ZNF100: variants seen among roughly 807,000 people sequenced by gnomAD.
ZNF100 encodes the protein zinc finger protein 100, also known as zinc finger protein 100 (Y1).
ZNF100 carries 12 observed loss-of-function variants against 15.8 expected under a neutral mutation model. The observed-to-expected ratio is 0.76, with a 90% CI of 0.49 to 1.23. ZNF100 has a LOEUF of 1.23. ZNF100 is among the 50% of genes most tolerant of loss of function. The pLI is 0.00. For synonymous variants in ZNF100, 226 were observed against 214.8 expected (o/e 1.05, Z -0.45); for missense variants, 670 against 635.6 (o/e 1.05, Z -0.58).
At chr19:21,729,793 TAATA>T (rs1199384360) in intron 4 of ZNF100, among the ~76,000 whole-genome samples, 2 of 152,038 alleles carry the variant, frequency 1.3e-5, no homozygotes, top group African/African-American at 4.8e-5. Flanking sequence ...AAACATCTGT[TAATA>T]AATATACAAC....
intron 4 of ZNF100, among the ~76,000 whole-genome samples, chr19:21,735,029 T>C (rs2035983459): frequency 6.6e-6 from 1 of 152,130 alleles, no homozygotes. Context: ...CTAGGCCTGC[T>C]TTGCAAGAGC....
At chr19:21,750,742 T>G (rs982923372) in intron 2 of ZNF100, 1 of 324,502 alleles carries the variant, frequency 3.1e-6, no homozygotes, top group Non-Finnish European at 5.6e-6. Flanking sequence ...CTTGCGCGGG[T>G]GCAGCCTGGG....
intron 4 of ZNF100, 57 bp from the exon 5 acceptor site, chr19:21,728,046 A>G: frequency 2.9e-6 from 4 of 1,399,762 alleles, no homozygotes; most frequent in Non-Finnish European, 3.7e-6. Flanking sequence ...TAGTTTACAA[A>G]TCTAACCTCT....
chr19:21,740,485 G>GAAA lies in ZNF100; in HGVS notation c.322+3529_322+3531dup, dbSNP rs74174038. Among the ~76,000 whole-genome samples the GAAA allele has an allele frequency of 5.4e-5, 8 of 147,326 alleles. No homozygotes were observed. In the South Asian group the frequency reaches 1.1e-3, roughly 20 times the overall value. On this transcript the variant is annotated intron_variant, in intron 4 of 4. Coordinates refer to ENST00000358296, the MANE Select transcript of ZNF100 (RefSeq NM_173531.4). ...GCTACTTCAAAATTTATCCACATTA[G>GAAA]AAAAAAAAAACATTCAACTGTGTAA...
rs570900253 is a variant in ZNF100, at chr19:21,734,843, G to C, written c.323-6854C>G. Among the ~76,000 whole-genome samples, 41 of 152,266 alleles carry C rather than the reference G, an allele frequency of 2.7e-4. No individual in the cohort carries two copies. The South Asian group carries it at 8.3e-3, about 31-fold the overall frequency. On this transcript the variant is annotated intron_variant, in intron 4 of 4. Transcript: ENST00000358296. Reference sequence around the variant, plus strand: ...GTCACCCAGAAAGGGAAGCCCATCAGAGTAAAAGTGGACCTCTAAAAAGAT... The same window carrying C: ...GTCACCCAGAAAGGGAAGCCCATCACAGTAAAAGTGGACCTCTAAAAAGAT...
chr19:21,725,690 CAA>C lies in ZNF100; in HGVS notation c.*991_*992del, dbSNP rs35748069. Reference sequence around the variant, plus strand: ...CACTTTTCAAAAAATCTAATTTTTTCAAAAAGTTAAGCATACTTTGAATGCAA... The same window carrying C: ...CACTTTTCAAAAAATCTAATTTTTTCAAAGTTAAGCATACTTTGAATGCAA... On this transcript the variant is annotated 3_prime_UTR_variant, in exon 5 of 5. Transcript: ENST00000358296. The C allele has an allele frequency of 6.6e-6, 1 of 151,734 alleles. No homozygotes were observed. The highest frequency in any genetic ancestry group is 2.4e-5 in the African/African-American group (1 of 41,258). 9.4% of individuals were successfully genotyped at this position (151,734 alleles called of 1,614,324 possible).
intron 4 of ZNF100, among the ~76,000 whole-genome samples, chr19:21,732,685 C>T (rs4505459): frequency 0.08 from 11,999 of 149,980 alleles, 549 homozygotes; most frequent in Middle Eastern, 0.15. Context: ...GAATGTAAAA[C>T]GTATTGGATG....
chr19:21,765,258 G>A (rs1291512368), intron 2 of ZNF100, among the ~76,000 whole-genome samples: 2 of 152,162 alleles, frequency 1.3e-5, no homozygotes, highest in Non-Finnish European at 2.9e-5. Flanking sequence ...CCCAGGTAGT[G>A]GCAGTGCTGA....
intron 2 of ZNF100, among the ~76,000 whole-genome samples, chr19:21,760,810 G>A (rs2036471880): frequency 7.0e-6 from 1 of 142,086 alleles, no homozygotes. Context: ...AGGCTGGAGT[G>A]CAGTGGTGCG....
In ZNF100 at chr19:21,736,507, A is replaced by G. The variant is rs369403153; in HGVS notation, c.322+7510T>C. 4.5e-4 allele frequency among the ~76,000 whole-genome samples: 69 copies of G among 152,352 alleles called. 3 individuals are homozygous for G. In the East Asian group the frequency reaches 4.8e-3, roughly 11 times the overall value. On this transcript the variant is annotated intron_variant, in intron 4 of 4. Transcript: ENST00000358296. ...GACAGATCTCTGAGAGAGAAAAATA[A>G]CAAGGATATTCAGGACTTGGACTCA...
rs11556742 is a variant in ZNF100 at position 21,727,819 on chromosome 19, A to G, written c.493T>C (p.Leu165=). The G allele has an allele frequency of 0.023, 36,948 of 1,613,178 alleles. 507 individuals carry two copies. Among genetic ancestry groups the G allele is most frequent in the Admixed American group, 0.051 (3,061 of 59,898 alleles). Residue 165 remains leucine, a synonymous_variant, in exon 5 of 5, where the codon TTA becomes CTA. Transcript: ENST00000358296. ...TGGGTAGTTATCAAACACTGGTTTAATTTGTTATCATGTTCTTTGTGCACT... is the reference window on the plus strand; with the variant it reads ...TGGGTAGTTATCAAACACTGGTTTAGTTTGTTATCATGTTCTTTGTGCACT... ...CKVHKEHDNK[L]NQCLITTQSN... is the part of the protein sequence containing the mutation.
rs895392552 is a variant in ZNF100, at chr19:21,743,573, TAACA to T, written c.322+440_322+443del. 3.4e-4 allele frequency among the ~76,000 whole-genome samples: 52 copies of T among 151,914 alleles called. 1 individual carries two copies. The highest frequency in any genetic ancestry group is 1.0e-3 in the African/African-American group (43 of 41,350). On this transcript the variant is annotated intron_variant, in intron 4 of 4. Transcript: ENST00000358296. Reference sequence around the variant, plus strand: ...AACAGGATGGAATGTGCAAAAAGATTAACAAACAAAACAACGGAACAGAAAACAC... The same window carrying T: ...AACAGGATGGAATGTGCAAAAAGATTAACAAAACAACGGAACAGAAAACAC...
At chr19:21,766,486 A>C (rs905734662) in intron 1 of ZNF100, among the ~76,000 whole-genome samples, 5 of 151,684 alleles carry the variant, frequency 3.3e-5, no homozygotes, top group African/African-American at 1.2e-4. Context: ...ATGTAGGCTT[A>C]AACAACTATA....
At chr19:21,733,777 G>C (rs55799773) in intron 4 of ZNF100, among the ~76,000 whole-genome samples, 12,602 of 152,092 alleles carry the variant, frequency 0.083, 313 homozygotes, top group South Asian at 0.16. Flanking sequence ...CCACCAACAG[G>C]CATTGTAAGA....
chr19:21,766,626 C>G (rs540643996), intron 1 of ZNF100, among the ~76,000 whole-genome samples: 1 of 152,234 alleles, frequency 6.6e-6, no homozygotes, highest in South Asian at 2.1e-4. Flanking sequence ...AATGACTTTC[C>G]TTCAAGCCTC....
chr19:21,751,250 CT>C, intron 2 of ZNF100: 1 of 1,199,486 alleles, frequency 8.3e-7, no homozygotes, highest in Non-Finnish European at 1.2e-6. Flanking sequence ...GTCAGCCAGC[CT>C]AACCTTAGAA....
At chr19:21,730,862 T>C (rs2035904659) in intron 4 of ZNF100, among the ~76,000 whole-genome samples, 1 of 151,878 alleles carries the variant, frequency 6.6e-6, no homozygotes, top group African/African-American at 2.4e-5. Context: ...CATTTACAAA[T>C]ATATGGAAAT....
rs2145683326 is a variant in ZNF100 at position 21,727,966 on chromosome 19, C to A, written c.346G>T (p.Asp116Tyr). 1.3e-6 allele frequency: 2 copies of A among 1,529,536 alleles called. No individual in the cohort carries two copies. The highest frequency in any genetic ancestry group is 1.7e-6 in the Non-Finnish European group (2 of 1,144,516). The allele number at this position is 1,529,536 out of a possible 1,614,324, so 94.7% of individuals were successfully genotyped here. ...TTAATGTCCTGCTCTGCCCAAAGGT[C>A]TTGGGGAAAATGAGAACATATAACT... ...PPVICSHFPQ[D>Y]LWAEQDIKDS... Residue 116 changes from aspartate to tyrosine, a missense_variant, in exon 5 of 5, where the codon GAC (aspartate) becomes TAC (tyrosine). Physicochemically the swap from Asp to Tyr is radical, Grantham distance 160. Transcript: ENST00000358296.
At chr19:21,730,909 AAAT>A (rs2035905508) in intron 4 of ZNF100, among the ~76,000 whole-genome samples, 1 of 152,164 alleles carries the variant, frequency 6.6e-6, no homozygotes, top group Admixed American at 6.5e-5. Context: ...TCAAAGATAG[AAAT>A]AATAGATATT....
Sources: allele counts gnomAD v4.1 joint callset (sites outside exome capture counted in the v4.1 genomes callset), GRCh38; gene constraint gnomAD v4.1.1; transcripts MANE v1.5; gene names NCBI Gene and HGNC (gene_info 2026-07-23, HGNC 2026-07-21).